The following KANK1 variants were observed in gnomAD, a reference collection of about 807,000 sequenced individuals.
KANK1 encodes KN motif and ankyrin repeat domain-containing protein 1.
Under a neutral mutation model 106.2 loss-of-function variants are expected in KANK1, and 109 were observed. The ratio of observed to expected loss-of-function variants is 1.03; its 90% CI spans 0.88 to 1.20. The LOEUF is 1.20. KANK1 is among the 50% of genes most tolerant of loss of function. The pLI is 0.00. For missense variants in KANK1, 2,399 were observed against 1,710.7 expected (o/e 1.40, Z -7.10); for synonymous variants, 873 against 652.2 (o/e 1.34, Z -5.16).
chr9:499,481 G>T (rs547657924), intron 3 of KANK1, among the ~76,000 whole-genome samples: 71 of 152,290 alleles, frequency 4.7e-4, no homozygotes, highest in African/African-American at 1.7e-3. Context: ...AATTCCTGCT[G>T]CCACAGTTCC....
chr9:560,553 T>G (rs187477857), intron 1 of KANK1, among the ~76,000 whole-genome samples: 4 of 152,360 alleles, frequency 2.6e-5, no homozygotes, highest in Admixed American at 2.6e-4. Context: ...CTTTGAAGAC[T>G]CATGTTTTCA....
chr9:707,277 C>CCA lies in KANK1; in HGVS notation c.38-3525_38-3524dup, dbSNP rs918983313. 36 of 969,940 alleles carry CCA rather than the reference C, an allele frequency of 3.7e-5. 1 individual carries two copies. The highest frequency in any genetic ancestry group is 2.5e-6 in the Non-Finnish European group (2 of 815,744). 60.1% of individuals were successfully genotyped at this position (969,940 alleles called of 1,614,324 possible). ...GTGAGCTGCGAGCGGCGTGGGGCGGCCACCGCTGGCCGAATTCCGGGGGGC... is the reference window on the plus strand; with the variant it reads ...GTGAGCTGCGAGCGGCGTGGGGCGGCCACACCGCTGGCCGAATTCCGGGGGGC... On this transcript the variant is annotated intron_variant, in intron 2 of 11. Transcript: ENST00000382297.
intron 1 of KANK1, among the ~76,000 whole-genome samples, chr9:543,464 C>G (rs1323170702): frequency 6.6e-6 from 1 of 150,508 alleles, no homozygotes; most frequent in Non-Finnish European, 1.5e-5. Flanking sequence ...GAGGCTGAGG[C>G]AGGAGAATTG....
chr9:702,966 G>T (rs1823056256), intron 2 of KANK1, among the ~76,000 whole-genome samples: 1 of 152,010 alleles, frequency 6.6e-6, no homozygotes, highest in African/African-American at 2.4e-5. Context: ...TTGTGTTTTG[G>T]TTTTTTGGAG....
intron 1 of KANK1, among the ~76,000 whole-genome samples, chr9:583,411 A>C (rs1318307936): frequency 6.6e-6 from 1 of 152,150 alleles, no homozygotes; most frequent in Non-Finnish European, 1.5e-5. Context: ...ACTTCCACTC[A>C]TGACTTTACC....
chr9:713,289 G>A lies in KANK1; in HGVS notation c.2523G>A (p.Leu841=). The change falls in exon 3 of 12, where the codon CTG becomes CTA. Residue 841 remains leucine, a synonymous_variant. Coordinates refer to ENST00000382297, the MANE Select transcript of KANK1 (RefSeq NM_015158.5). ...TGCTGGCAGAACAGCAGACACTGCT[G>A]GCTGAGAACTACAGTGAACTGGCAG... The part of the protein sequence containing the change: ...QKLLAEQQTL[L]AENYSELAEA... 1.9e-6 allele frequency: 3 copies of A among 1,614,030 alleles called. No individual in the cohort carries two copies. The highest frequency in any genetic ancestry group is 2.5e-6 in the Non-Finnish European group (3 of 1,179,960).
chr9:578,968 T>C (rs1821315462), intron 1 of KANK1, among the ~76,000 whole-genome samples: 1 of 152,222 alleles, frequency 6.6e-6, no homozygotes, highest in South Asian at 2.1e-4. Flanking sequence ...ATATCTTGAC[T>C]TAATAAATGT....
At chr9:553,687 T>C (rs1484448882) in intron 1 of KANK1, among the ~76,000 whole-genome samples, 1 of 152,218 alleles carries the variant, frequency 6.6e-6, no homozygotes, top group African/African-American at 2.4e-5. Context: ...GAGAAAAATA[T>C]AAGCCAATTG....
At chr9:531,489 A>T (rs193264955) in intron 1 of KANK1, among the ~76,000 whole-genome samples, 1 of 152,352 alleles carries the variant, frequency 6.6e-6, no homozygotes, top group East Asian at 1.9e-4. Context: ...ACAAATCAGA[A>T]CATTCAGGCT....
At chr9:496,426 T>C (rs1321018506) in intron 3 of KANK1, among the ~76,000 whole-genome samples, 1 of 152,102 alleles carries the variant, frequency 6.6e-6, no homozygotes, top group African/African-American at 2.4e-5. Context: ...TGGTGGCACA[T>C]ATGCCTGTAT....
chr9:623,862 C>T (rs1563880401), intron 1 of KANK1, among the ~76,000 whole-genome samples: 1 of 151,218 alleles, frequency 6.6e-6, no homozygotes, highest in Non-Finnish European at 1.5e-5. Flanking sequence ...TATGATCCAG[C>T]AGTCCCACTT....
At chr9:661,279 C>A (rs1161797036) in intron 1 of KANK1, among the ~76,000 whole-genome samples, 5 of 146,080 alleles carry the variant, frequency 3.4e-5, no homozygotes, top group Non-Finnish European at 7.6e-5. Context: ...CCTCTCTTCC[C>A]CCTCCCCACA....
Position 685,551 on chromosome 9 carries a change from G to GA in KANK1, c.37+8543dup, listed in dbSNP as rs572726620. ...ACCTTGTTTATGGCCAGATTTGCCT[G>GA]ATCCCTGATTTCCCTCCCAACTGGA... is the stretch of plus-strand genomic sequence containing the variant. On this transcript the variant is annotated intron_variant, in intron 2 of 11. Coordinates refer to ENST00000382297, the MANE Select transcript of KANK1 (RefSeq NM_015158.5). 2.0e-4 allele frequency: 31 copies of GA among 152,304 alleles called. 1 individual carries two copies. The South Asian group carries it at 6.4e-3, about 32-fold the overall frequency. 9.4% of individuals were successfully genotyped at this position (152,304 alleles called of 1,614,324 possible). A position where few individuals can be genotyped will look rare whatever the true frequency, so the allele number is the denominator to read the frequency against.
At chr9:608,034 A>ATTTTTTTTT (rs35949327) in intron 1 of KANK1, among the ~76,000 whole-genome samples, 9 of 115,320 alleles carry the variant, frequency 7.8e-5, no homozygotes, top group African/African-American at 2.6e-4. Flanking sequence ...TATTATTATT[A>ATTTTTTTTT]TTTTTTTTTT....
intron 1 of KANK1, among the ~76,000 whole-genome samples, chr9:626,730 A>AG (rs1277718082): frequency 2.0e-5 from 3 of 152,244 alleles, no homozygotes; most frequent in African/African-American, 7.2e-5. Flanking sequence ...GACAGAATAT[A>AG]TTTGTGCTTA....
At chr9:511,698 G>T (rs1352584488) in intron 1 of KANK1, among the ~76,000 whole-genome samples, 1 of 152,118 alleles carries the variant, frequency 6.6e-6, no homozygotes, top group Non-Finnish European at 1.5e-5. Flanking sequence ...CTCACACATA[G>T]TGTAAATAAT....
chr9:647,683 C>G (rs1353233413), intron 1 of KANK1, among the ~76,000 whole-genome samples: 1 of 150,786 alleles, frequency 6.6e-6, no homozygotes, highest in Non-Finnish European at 1.5e-5. Flanking sequence ...AAAGTTCTCA[C>G]CACAATCTCA....
chr9:508,053 G>A (rs1463952113), intron 1 of KANK1, among the ~76,000 whole-genome samples: 1 of 147,458 alleles, frequency 6.8e-6, no homozygotes, highest in Non-Finnish European at 1.5e-5. Context: ...AACTCGTGAC[G>A]TCAGGTTATC....
chr9:691,592 GTAAC>G (rs1189886103), intron 2 of KANK1, among the ~76,000 whole-genome samples: 3 of 138,982 alleles, frequency 2.2e-5, no homozygotes, highest in Non-Finnish European at 4.6e-5. Flanking sequence ...ATATAATAAT[GTAAC>G]TAAATAATAC....
Sources: gnomAD v4.1 joint callset for allele counts (sites outside exome capture counted in the v4.1 genomes callset) on GRCh38, gnomAD v4.1.1 for gene constraint, MANE v1.5 for transcripts, NCBI Gene and HGNC (gene_info 2026-07-23, HGNC 2026-07-21) for gene names.